The following FOXO3 variants were observed in gnomAD, a reference collection of about 807,000 sequenced individuals.
FOXO3 encodes the protein forkhead box protein O3.
Under a neutral mutation model 41.9 loss-of-function variants are expected in FOXO3, and 4 were observed. The observed-to-expected ratio is 0.10, with a 90% confidence interval of 0.05 to 0.22. FOXO3 has a LOEUF of 0.22. FOXO3 is among the 10% of genes least tolerant of loss of function. FOXO3 has a pLI of 1.00. For synonymous variants in FOXO3, 318 were observed against 389.3 expected (o/e 0.82, Z 2.16); for missense variants, 534 against 906.8 (o/e 0.59, Z 5.28).
intron 1 of FOXO3, among the ~76,000 whole-genome samples, chr6:108,646,242 A>G (rs557473322): frequency 6.2e-4 from 94 of 152,244 alleles, no homozygotes; most frequent in African/African-American, 2.1e-3. Flanking sequence ...ATGTCATTCT[A>G]TTTTCAAAGC....
Position 108,607,318 on chromosome 6 carries a change from G to A in FOXO3, c.621+45489G>A, listed in dbSNP as rs541463767. 1.4e-4 allele frequency among the ~76,000 whole-genome samples: 22 copies of A among 152,060 alleles called. No individual in the cohort carries two copies. The South Asian group carries it at 3.3e-3, about 23-fold the overall frequency. On this transcript the variant is annotated intron_variant, in intron 1 of 2. Coordinates refer to ENST00000406360, the MANE Select transcript of FOXO3 (RefSeq NM_001455.4). ...ACAAAAATTAGCTGGGTGTGGTGGC[G>A]TGCACCTTTGGATCGCAGCTACTTG...
intron 1 of FOXO3, among the ~76,000 whole-genome samples, chr6:108,589,931 C>T (rs768740134): frequency 3.3e-5 from 5 of 152,160 alleles, no homozygotes; most frequent in South Asian, 2.1e-4. Context: ...TGAACTGTTG[C>T]AAGAGCAGGT....
At chr6:108,564,691 A>G (rs1445725042) in intron 1 of FOXO3, among the ~76,000 whole-genome samples, 15 of 152,208 alleles carry the variant, frequency 9.9e-5, no homozygotes, top group Admixed American at 9.8e-4. Context: ...CCCTGGTTGC[A>G]TGTTTGAATT....
Position 108,560,951 on chromosome 6 carries a change from C to G in FOXO3, c.-258C>G, listed in dbSNP as rs1203594622. On this transcript the variant is annotated 5_prime_UTR_variant, in exon 1 of 3. Transcript: ENST00000406360. ...TGCGCCAGGTTCGCTGGCCGCACGTCTTCAGGTCCTCCTGTTCCTGGGAGG... is the reference window on the plus strand; with the variant it reads ...TGCGCCAGGTTCGCTGGCCGCACGTGTTCAGGTCCTCCTGTTCCTGGGAGG... 1.5e-6 allele frequency: 2 copies of G among 1,318,166 alleles called. No individual in the cohort carries two copies. Among genetic ancestry groups the G allele is most frequent in the Non-Finnish European group, 1.9e-6 (2 of 1,039,990 alleles). 81.7% of individuals were successfully genotyped at this position (1,318,166 alleles called of 1,614,324 possible).
In FOXO3 at chr6:108,561,033, G is replaced by A; in HGVS notation, c.-176G>A. ...CGGGCGAGGACTCGCCGAGGACGGG[G>A]CTCCGGCCCGGGATAACCAACTCTC... is the stretch of plus-strand genomic sequence containing the variant. On this transcript the variant is annotated 5_prime_UTR_variant, in exon 1 of 3. Coordinates refer to ENST00000406360, the MANE Select transcript of FOXO3 (RefSeq NM_001455.4). 1 of 1,388,064 alleles carries A rather than the reference G, an allele frequency of 7.2e-7. No homozygotes were observed. The allele number at this position is 1,388,064 out of a possible 1,614,324, so 86.0% of individuals were successfully genotyped here.
At chr6:108,612,081 T>G (rs953054833) in intron 1 of FOXO3, among the ~76,000 whole-genome samples, 1 of 152,222 alleles carries the variant, frequency 6.6e-6, no homozygotes, top group Non-Finnish European at 1.5e-5. Flanking sequence ...AATTTAGTTC[T>G]TTTTCAAAAT....
intron 1 of FOXO3, among the ~76,000 whole-genome samples, chr6:108,644,250 G>A (rs1372692282): frequency 1.3e-5 from 2 of 152,188 alleles, no homozygotes; most frequent in African/African-American, 4.8e-5. Context: ...GTAAAATGGG[G>A]ACCATATTGT....
At chr6:108,649,658 G>C (rs1778494818) in intron 1 of FOXO3, among the ~76,000 whole-genome samples, 1 of 151,380 alleles carries the variant, frequency 6.6e-6, no homozygotes, top group Non-Finnish European at 1.5e-5. Context: ...CTAAAGTGCT[G>C]GGATTACAGG....
intron 1 of FOXO3, among the ~76,000 whole-genome samples, chr6:108,656,977 A>C (rs1465105641): frequency 6.6e-6 from 1 of 152,250 alleles, no homozygotes; most frequent in Non-Finnish European, 1.5e-5. Flanking sequence ...TCTAGGCAGC[A>C]GGACTGTGAA....
At chr6:108,674,468 A>T (rs1770499118) in intron 2 of FOXO3, among the ~76,000 whole-genome samples, 2 of 152,202 alleles carry the variant, frequency 1.3e-5, no homozygotes, top group Non-Finnish European at 2.9e-5. Context: ...TAAGTGTTTG[A>T]TTTGATTTGA....
chr6:108,639,811 A>G (rs1778207803), intron 1 of FOXO3, among the ~76,000 whole-genome samples: 1 of 152,240 alleles, frequency 6.6e-6, no homozygotes, highest in Non-Finnish European at 1.5e-5. Context: ...GGCTGGTCCT[A>G]TAGCATAACA....
chr6:108,562,765 G>A (rs1281887065), intron 1 of FOXO3, among the ~76,000 whole-genome samples: 1 of 152,212 alleles, frequency 6.6e-6, no homozygotes, highest in Non-Finnish European at 1.5e-5. Flanking sequence ...ACGTGGTAGG[G>A]AGAGAGGTGT....
intron 1 of FOXO3, among the ~76,000 whole-genome samples, chr6:108,653,663 T>G (rs573221077): frequency 9.8e-5 from 15 of 152,340 alleles, no homozygotes; most frequent in African/African-American, 3.6e-4. Context: ...GCTTGTCATA[T>G]GTCATGAAAG....
intron 1 of FOXO3, chr6:108,618,042 A>G (rs1777565156): frequency 6.0e-6 from 4 of 667,196 alleles, no homozygotes; most frequent in Admixed American, 5.5e-5. Context: ...CGTCAATCGT[A>G]TCTTCATTCT....
At position 108,561,475 on chromosome 6, in the gene FOXO3, C is replaced by T; in HGVS notation, c.267C>T (p.Gly89=). ...GCGGCGGCGGGAGCGGCACGCTGGG[C>T]TCCGGGCTGCTCCTTGAGGACTCGG... ...IGGGGGSGTL[G]SGLLLEDSAR... is the part of the protein sequence containing the mutation. The change falls in exon 1 of 3, where the codon GGC becomes GGT. Residue 89 remains glycine, a synonymous_variant. Transcript: ENST00000406360. 11 of 1,513,416 alleles carry T rather than the reference C, an allele frequency of 7.3e-6. No homozygotes were observed. Among genetic ancestry groups the T allele is most frequent in the Non-Finnish European group, 8.8e-6 (10 of 1,134,300 alleles). 93.7% of individuals were successfully genotyped at this position (1,513,416 alleles called of 1,614,324 possible).
chr6:108,629,205 G>A (rs1777893635), intron 1 of FOXO3, among the ~76,000 whole-genome samples: 1 of 152,198 alleles, frequency 6.6e-6, no homozygotes, highest in African/African-American at 2.4e-5. Flanking sequence ...ACAGTCAGAG[G>A]GTGGTGGACC....
intron 1 of FOXO3, among the ~76,000 whole-genome samples, chr6:108,621,857 C>T (rs1432460863): frequency 6.6e-6 from 1 of 152,080 alleles, no homozygotes; most frequent in Non-Finnish European, 1.5e-5. Context: ...TGAGCTTGGC[C>T]TTGGGTCTCG....
chr6:108,655,627 C>G (rs1261300718), intron 1 of FOXO3, among the ~76,000 whole-genome samples: 1 of 152,190 alleles, frequency 6.6e-6, no homozygotes, highest in Non-Finnish European at 1.5e-5. Context: ...CCAGGTGATT[C>G]TAATAGGCGG....
chr6:108,665,128 G>A (rs1020380622), intron 2 of FOXO3, among the ~76,000 whole-genome samples: 3 of 152,156 alleles, frequency 2.0e-5, no homozygotes, highest in Non-Finnish European at 2.9e-5. Flanking sequence ...TCTACTGCTC[G>A]TGAAGAGAAC....
Sources: allele counts gnomAD v4.1 joint callset (sites outside exome capture counted in the v4.1 genomes callset), GRCh38; gene constraint gnomAD v4.1.1; transcripts MANE v1.5; gene names NCBI Gene and HGNC (gene_info 2026-07-23, HGNC 2026-07-21).